The following CDC123 variants were observed in gnomAD, a reference collection of about 807,000 sequenced individuals.
The protein encoded by CDC123 is cell division cycle 123.
CDC123 carries 37 observed loss-of-function variants against 54.4 expected under a neutral mutation model. The observed-to-expected ratio is 0.68, with a 90% CI of 0.52 to 0.89. The LOEUF (loss-of-function observed/expected upper bound fraction) is 0.89. Among genes scored for constraint, CDC123 ranks in the 40% least tolerant of loss-of-function variants. The pLI, the probability that CDC123 is intolerant of heterozygous loss-of-function variation, is 0.00. For synonymous variants in CDC123, 144 were observed against 136.8 expected, an observed-to-expected ratio of 1.05 and a Z score of -0.37; for missense variants, 361 against 412.1, an observed-to-expected ratio of 0.88 and a Z score of 1.07.
intron 2 of CDC123, 157 bp downstream of exon 2, chr10:12,198,933 C>G (rs1835400911): frequency 3.6e-6 from 2 of 549,006 alleles, no homozygotes; most frequent in African/African-American, 3.9e-5. Context: ...TCAATGTTCA[C>G]TTAATATTTT....
intron 1 of CDC123, among the ~76,000 whole-genome samples, chr10:12,197,380 G>C (rs1564430659): frequency 1.1e-5 from 1 of 92,492 alleles, no homozygotes; most frequent in Non-Finnish European, 2.6e-5. Context: ...TGAAGAACTA[G>C]ATTTTTTTTT....
At chr10:12,216,239 A>C (rs888198411) in intron 5 of CDC123, among the ~76,000 whole-genome samples, 1 of 152,214 alleles carries the variant, frequency 6.6e-6, no homozygotes, top group African/African-American at 2.4e-5. Flanking sequence ...TCTTTTCTTA[A>C]ATTGTGTCTT....
At chr10:12,230,437 C>G (rs140604853) in intron 6 of CDC123, among the ~76,000 whole-genome samples, 19 of 152,336 alleles carry the variant, frequency 1.2e-4, no homozygotes, top group African/African-American at 3.4e-4. Flanking sequence ...AAGTGATCCA[C>G]CTGCCTTGGC....
chr10:12,227,216 G>A (rs983942222), intron 6 of CDC123, among the ~76,000 whole-genome samples: 1 of 149,524 alleles, frequency 6.7e-6, no homozygotes, highest in African/African-American at 2.5e-5. Context: ...CTACAGTCCA[G>A]CCTCTGCTCG....
At chr10:12,220,258 C>T (rs994870949) in intron 6 of CDC123, among the ~76,000 whole-genome samples, 2 of 152,144 alleles carry the variant, frequency 1.3e-5, no homozygotes, top group Admixed American at 6.5e-5. Flanking sequence ...ATCAGCTTTG[C>T]AATTTAATGA....
intron 2 of CDC123, among the ~76,000 whole-genome samples, chr10:12,203,324 T>C (rs566875599): frequency 6.6e-6 from 1 of 152,346 alleles, no homozygotes; most frequent in South Asian, 2.1e-4. Flanking sequence ...ATTTAGCACA[T>C]AGTCTGGGTT....
chr10:12,226,391 C>T (rs1044714715), intron 6 of CDC123, among the ~76,000 whole-genome samples: 5 of 151,312 alleles, frequency 3.3e-5, no homozygotes, highest in African/African-American at 4.9e-5. Flanking sequence ...GGCGGCTGGC[C>T]GGGTGGGGGC....
intron 2 of CDC123, 192 bp downstream of exon 2, chr10:12,198,968 A>G: frequency 2.2e-6 from 1 of 456,530 alleles, no homozygotes. Flanking sequence ...TTTCCCTCTA[A>G]TAATTACAAG....
chr10:12,215,985 C>G, intron 5 of CDC123, 150 bp downstream of exon 5: 3 of 523,680 alleles, frequency 5.7e-6, no homozygotes, highest in Non-Finnish European at 9.7e-6. Flanking sequence ...TACTGTTTTA[C>G]TTTCCGGATT....
rs1320028849 is a variant in CDC123 at position 12,250,262 on chromosome 10, T to G, written c.985-49T>G. 3 of 1,233,068 alleles carry G rather than the reference T, an allele frequency of 2.4e-6. No individual in the cohort carries two copies. In the African/African-American group the frequency reaches 4.5e-5, roughly 19 times the overall value. The allele number at this position is 1,233,068 out of a possible 1,614,324, so 76.4% of individuals were successfully genotyped here. A position where few individuals can be genotyped will look rare whatever the true frequency, so the allele number is the denominator to read the frequency against. On this transcript the variant is annotated intron_variant, in intron 12 of 12. Transcript: ENST00000281141. The stretch of plus-strand genomic sequence containing the variant: ...GAAAATTACACCTGCTGAGCAGATA[T>G]CCCAAGGAGCATGTGCTATTTTAAC...
At position 12,249,462 on chromosome 10, in the gene CDC123, T is replaced by C. The variant is rs76073646; in HGVS notation, c.847-119T>C. The C allele has an allele frequency of 2.2e-3, 2,263 of 1,030,934 alleles. 31 individuals are homozygous for C. The African/African-American group carries it at 0.029, about 13-fold the overall frequency. The allele number at this position is 1,030,934 out of a possible 1,614,324, so 63.9% of individuals were successfully genotyped here. ...TTAACTTAAGCATCTTCCTTTCTCC[T>C]CATCAAGTACAGAGGAAAACATGGA... On this transcript the variant is annotated intron_variant, in intron 11 of 12. Coordinates refer to ENST00000281141, the MANE Select transcript of CDC123 (RefSeq NM_006023.3).
chr10:12,196,722 C>G (rs1453603315), intron 1 of CDC123, among the ~76,000 whole-genome samples: 2 of 152,180 alleles, frequency 1.3e-5, no homozygotes, highest in African/African-American at 4.8e-5. Flanking sequence ...GATACGAGAA[C>G]AAGTTCACAG....
At chr10:12,243,053 C>T (rs1320193) in intron 10 of CDC123, among the ~76,000 whole-genome samples, 78 of 151,736 alleles carry the variant, frequency 5.1e-4, no homozygotes, top group African/African-American at 1.8e-3. Flanking sequence ...AGGATAGCTT[C>T]TGAGCTACAG....
intron 4 of CDC123, among the ~76,000 whole-genome samples, chr10:12,214,520 A>G (rs1304965594): frequency 6.6e-6 from 1 of 152,226 alleles, no homozygotes; most frequent in Non-Finnish European, 1.5e-5. Flanking sequence ...ATAGATAGTT[A>G]TTAACCAGTC....
At chr10:12,208,264 G>A (rs985764058) in intron 2 of CDC123, among the ~76,000 whole-genome samples, 1 of 152,100 alleles carries the variant, frequency 6.6e-6, no homozygotes, top group Non-Finnish European at 1.5e-5. Context: ...GTTATTTGTA[G>A]TTGTGTGTTG....
At chr10:12,209,339 G>A (rs1446886249) in intron 2 of CDC123, among the ~76,000 whole-genome samples, 2 of 151,938 alleles carry the variant, frequency 1.3e-5, no homozygotes, top group African/African-American at 2.4e-5. Context: ...TGGGCTCAAG[G>A]GATCCTTCTG....
At chr10:12,222,345 C>T (rs913176365) in intron 6 of CDC123, among the ~76,000 whole-genome samples, 3 of 152,120 alleles carry the variant, frequency 2.0e-5, no homozygotes, top group Non-Finnish European at 2.9e-5. Context: ...TGTGGCCGGG[C>T]GCGGTGGCTC....
chr10:12,218,205 A>AT (rs1564436226), intron 6 of CDC123, among the ~76,000 whole-genome samples: 1 of 147,252 alleles, frequency 6.8e-6, no homozygotes, highest in African/African-American at 2.5e-5. Flanking sequence ...CTATATACAG[A>AT]TTTTTTTAAT....
chr10:12,208,674 A>C (rs1384728232), intron 2 of CDC123, among the ~76,000 whole-genome samples: 1 of 152,176 alleles, frequency 6.6e-6, no homozygotes. Context: ...AGGGTGCGGT[A>C]ATAGCTGGGC....
Sources: allele counts gnomAD v4.1 joint callset (sites outside exome capture counted in the v4.1 genomes callset), GRCh38; gene constraint gnomAD v4.1.1; transcripts MANE v1.5; gene names NCBI Gene and HGNC (gene_info 2026-07-23, HGNC 2026-07-21).